The following MSRB3 variants were observed in gnomAD, a reference collection of about 807,000 sequenced individuals.
The protein encoded by MSRB3 is methionine-R-sulfoxide reductase B3.
A neutral mutation model predicts 21.0 loss-of-function variants in MSRB3; 13 were observed. The observed-to-expected ratio is 0.62, with a 90% confidence interval of 0.40 to 0.98. The LOEUF is 0.98. Ranked by LOEUF, MSRB3 falls within the 50% of genes least tolerant of loss-of-function variation. The pLI, the probability that MSRB3 is intolerant of heterozygous loss-of-function variation, is 0.00. For synonymous variants in MSRB3, 87 were observed against 88.6 expected (o/e 0.98, Z 0.10); for missense variants, 199 against 230.3 (o/e 0.86, Z 0.88).
chr12:65,302,900 C>T (rs1873422441), intron 1 of MSRB3, among the ~76,000 whole-genome samples: 2 of 151,994 alleles, frequency 1.3e-5, no homozygotes, highest in Admixed American at 1.3e-4. Flanking sequence ...AAACTTCTCC[C>T]CCACAAAACT....
intron 5 of MSRB3, among the ~76,000 whole-genome samples, chr12:65,400,906 T>A (rs1463339719): frequency 6.6e-6 from 1 of 152,234 alleles, no homozygotes; most frequent in Non-Finnish European, 1.5e-5. Context: ...TCAGTTTCCA[T>A]GTAGTTGTAC....
In MSRB3 at chr12:65,453,262, A is replaced by G. The variant is rs578099860; in HGVS notation, c.293-466A>G. Among the ~76,000 whole-genome samples, 12 of 152,306 alleles carry G rather than the reference A, an allele frequency of 7.9e-5. No homozygotes were observed. In the East Asian group the frequency reaches 1.9e-3, roughly 25 times the overall value. ...AGTCGTTTTGTTAAACAAAATTTTAACTATCCAAACTAGGTACTGAAAAAG... is the reference window on the plus strand; with the variant it reads ...AGTCGTTTTGTTAAACAAAATTTTAGCTATCCAAACTAGGTACTGAAAAAG... On this transcript the variant is annotated intron_variant, in intron 5 of 6. Transcript: ENST00000308259.
intron 6 of MSRB3, among the ~76,000 whole-genome samples, chr12:65,462,823 T>C (rs1389626248): frequency 6.6e-6 from 1 of 152,224 alleles, no homozygotes; most frequent in Non-Finnish European, 1.5e-5. Context: ...TATGCTGCCA[T>C]GTTTCTTACA....
At chr12:65,407,547 C>A (rs1880481961) in intron 5 of MSRB3, among the ~76,000 whole-genome samples, 1 of 151,806 alleles carries the variant, frequency 6.6e-6, no homozygotes, top group Admixed American at 6.6e-5. Context: ...TGGTATTTAT[C>A]CTTCTTGGTA....
chr12:65,317,718 C>A (rs1874390019), intron 2 of MSRB3, among the ~76,000 whole-genome samples: 1 of 152,084 alleles, frequency 6.6e-6, no homozygotes, highest in Admixed American at 6.6e-5. Context: ...GAGTAGCAAT[C>A]TGAATTACTG....
At chr12:65,294,655 T>A (rs1311762756) in intron 1 of MSRB3, among the ~76,000 whole-genome samples, 1 of 152,236 alleles carries the variant, frequency 6.6e-6, no homozygotes, top group Non-Finnish European at 1.5e-5. Flanking sequence ...GGCCATTTTT[T>A]TGTATTGTAA....
chr12:65,382,344 T>C (rs1878981605), intron 5 of MSRB3, among the ~76,000 whole-genome samples: 1 of 77,802 alleles, frequency 1.3e-5, no homozygotes, highest in South Asian at 6.7e-4. Flanking sequence ...AAAATAGACT[T>C]TGGAGTTTTA....
chr12:65,355,084 A>T (rs1371508203), intron 4 of MSRB3, among the ~76,000 whole-genome samples: 1 of 151,854 alleles, frequency 6.6e-6, no homozygotes, highest in Non-Finnish European at 1.5e-5. Context: ...AAGAGGTTAA[A>T]GAACATGTAG....
chr12:65,407,141 A>G (rs1880458414), intron 5 of MSRB3, among the ~76,000 whole-genome samples: 1 of 152,236 alleles, frequency 6.6e-6, no homozygotes, highest in African/African-American at 2.4e-5. Context: ...TAGAGAGTCC[A>G]GAACTAAATC....
intron 6 of MSRB3, 108 bp downstream of exon 6, chr12:65,453,933 A>G (rs1157707532): frequency 1.1e-6 from 1 of 905,018 alleles, no homozygotes. Flanking sequence ...ACAGACAAGC[A>G]TGACGAAGTT....
rs531134170 is a variant in MSRB3, at chr12:65,408,872, G to T, written c.292+39846G>T. On this transcript the variant is annotated intron_variant, in intron 5 of 6. Transcript: ENST00000308259. ...TCTGGTAAAATACTTTCTCATGAGG[G>T]CAGGCCTTGTTAAAAATAACACAAT... 1.6e-4 allele frequency among the ~76,000 whole-genome samples: 25 copies of T among 152,234 alleles called. No individual in the cohort carries two copies. The South Asian group carries it at 5.0e-3, about 30-fold the overall frequency.
intron 5 of MSRB3, among the ~76,000 whole-genome samples, chr12:65,439,551 T>C (rs1882276209): frequency 1.3e-5 from 2 of 151,654 alleles, no homozygotes; most frequent in Admixed American, 1.3e-4. Flanking sequence ...ATCTTAAATT[T>C]TAGAAAGTAG....
chr12:65,410,892 T>G (rs1361131622), intron 5 of MSRB3, among the ~76,000 whole-genome samples: 1 of 152,204 alleles, frequency 6.6e-6, no homozygotes. Context: ...TGATGTGAAA[T>G]TAATGAATAT....
chr12:65,293,061 A>G (rs1230717966), intron 1 of MSRB3, among the ~76,000 whole-genome samples: 2 of 152,170 alleles, frequency 1.3e-5, no homozygotes, highest in Non-Finnish European at 2.9e-5. Flanking sequence ...TAGATACCAT[A>G]AACACATCAC....
At chr12:65,283,754 G>C (rs1898669) in intron 1 of MSRB3, 149,801 of 152,382 alleles carry the variant, frequency 0.98, 73,689 homozygotes, top group Middle Eastern at 1. Flanking sequence ...GATAGGCTCT[G>C]AGCATCCATT....
intron 5 of MSRB3, among the ~76,000 whole-genome samples, chr12:65,445,411 A>T (rs1458736599): frequency 6.7e-6 from 1 of 149,348 alleles, no homozygotes; most frequent in Non-Finnish European, 1.5e-5. Flanking sequence ...GCCCCCAATC[A>T]TCATTTTATC....
chr12:65,359,426 G>T (rs1180210822), intron 4 of MSRB3, among the ~76,000 whole-genome samples: 1 of 151,964 alleles, frequency 6.6e-6, no homozygotes, highest in Non-Finnish European at 1.5e-5. Flanking sequence ...AAAATTTCCA[G>T]GGAATATAAG....
chr12:65,373,768 T>C (rs1355131976), intron 5 of MSRB3, among the ~76,000 whole-genome samples: 1 of 152,158 alleles, frequency 6.6e-6, no homozygotes, highest in Non-Finnish European at 1.5e-5. Flanking sequence ...TAGGAGATCC[T>C]AAAAGACATG....
chr12:65,438,512 T>C (rs565303909), intron 5 of MSRB3, among the ~76,000 whole-genome samples: 1 of 151,964 alleles, frequency 6.6e-6, no homozygotes, highest in Non-Finnish European at 1.5e-5. Context: ...ACTCCCGAAC[T>C]TTAAGGATAA....
Sources: allele counts gnomAD v4.1 joint callset (sites outside exome capture counted in the v4.1 genomes callset), GRCh38; gene constraint gnomAD v4.1.1; transcripts MANE v1.5; gene names NCBI Gene and HGNC (gene_info 2026-07-23, HGNC 2026-07-21).